Variants in STX3 observed in about 807,000 individuals in gnomAD.
The protein encoded by STX3 is syntaxin 3.
A neutral mutation model predicts 40.2 loss-of-function variants in STX3; 19 were observed. The ratio of observed to expected loss-of-function variants is 0.47; its 90% confidence interval spans 0.33 to 0.69. The LOEUF (loss-of-function observed/expected upper bound fraction) is 0.69, where lower values mean the gene tolerates loss of function less well. STX3 is among the 30% of genes least tolerant of loss of function. STX3 has a pLI of 0.02. For synonymous variants in STX3, 122 were observed against 132.2 expected (o/e 0.92, Z 0.53); for missense variants, 364 against 366.7 (o/e 0.99, Z 0.06).
intron 1 of STX3, among the ~76,000 whole-genome samples, chr11:59,761,762 A>G (rs1863050725): frequency 6.6e-6 from 1 of 151,950 alleles, no homozygotes; most frequent in Admixed American, 6.6e-5. Context: ...AGTGGAGCAA[A>G]TACTGTCTGG....
chr11:59,771,552 A>G (rs1277336627), intron 1 of STX3, among the ~76,000 whole-genome samples: 1 of 152,130 alleles, frequency 6.6e-6, no homozygotes, highest in Non-Finnish European at 1.5e-5. Context: ...TGCGGGAGCC[A>G]TGCCCAGGTC....
intron 1 of STX3, among the ~76,000 whole-genome samples, chr11:59,761,356 C>G (rs911439899): frequency 6.6e-6 from 1 of 152,184 alleles, no homozygotes; most frequent in Non-Finnish European, 1.5e-5. Flanking sequence ...TTCCTCGGAC[C>G]CCGCAAACTT....
intron 1 of STX3, among the ~76,000 whole-genome samples, chr11:59,770,403 G>T (rs1863542564): frequency 6.6e-6 from 1 of 151,830 alleles, no homozygotes; most frequent in South Asian, 2.1e-4. Flanking sequence ...TGAGGAGTGT[G>T]TGTGTGTGGG....
intron 1 of STX3, among the ~76,000 whole-genome samples, chr11:59,756,258 T>G (rs1055445037): frequency 6.6e-6 from 1 of 152,202 alleles, no homozygotes; most frequent in Non-Finnish European, 1.5e-5. Context: ...GCAAAAGCTG[T>G]AAAGCCTTAG....
At chr11:59,769,834 G>A (rs1200300900) in intron 1 of STX3, among the ~76,000 whole-genome samples, 1 of 149,994 alleles carries the variant, frequency 6.7e-6, no homozygotes, top group African/African-American at 2.5e-5. Context: ...GTACACGTGT[G>A]TGTGTGTGTG....
At chr11:59,781,730 G>A (rs1011511053) in intron 2 of STX3, 27 of 1,584,060 alleles carry the variant, frequency 1.7e-5, no homozygotes, top group South Asian at 5.7e-5. Context: ...TGGTGGGTGC[G>A]GGCGGGCTGG....
At chr11:59,800,271 G>C in intron 10 of STX3, 3 of 985,376 alleles carry the variant, frequency 3.0e-6, no homozygotes, top group Non-Finnish European at 3.6e-6. Flanking sequence ...CAGGAGGGTA[G>C]ACAGTGTGTT....
rs1313928439 is a variant in STX3, at chr11:59,781,371, A to G, written c.115-5666A>G. The G allele has an allele frequency of 3.1e-6, 5 of 1,597,402 alleles. No homozygotes were observed. The Admixed American group carries it at 8.3e-5, about 27-fold the overall frequency. On this transcript the variant is annotated intron_variant, in intron 2 of 10. Transcript: ENST00000337979. ...GACATTGTTCATGACACACTCCACC[A>G]CTAATTTCCCATCTTTCAATTTTCT...
intron 4 of STX3, chr11:59,789,340 C>T (rs746452100): frequency 9.8e-5 from 16 of 162,904 alleles, no homozygotes; most frequent in Non-Finnish European, 1.9e-4. Context: ...CCTCTACCTC[C>T]TGGGTTCAGG....
At chr11:59,771,400 A>ACCCCCCCC (rs1565168425) in intron 1 of STX3, among the ~76,000 whole-genome samples, 1 of 42,216 alleles carries the variant, frequency 2.4e-5, no homozygotes, top group Non-Finnish European at 4.6e-5. Flanking sequence ...CCGTCCCCCC[A>ACCCCCCCC]CCTCCCCCCC....
chr11:59,800,918 G>C lies in STX3; in HGVS notation c.*94G>C. ...CTTCAGATGAGAATGGAGTCTGAAT[G>C]GCCTTCCTGAGAGCGAGTGCGACCC... is the stretch of plus-strand genomic sequence containing the variant. On this transcript the variant is annotated 3_prime_UTR_variant, in exon 11 of 11. Coordinates refer to ENST00000337979, the MANE Select transcript of STX3 (RefSeq NM_004177.5). 6.5e-7 allele frequency: 1 copy of C among 1,536,252 alleles called. No homozygotes were observed. The highest frequency in any genetic ancestry group is 8.7e-7 in the Non-Finnish European group (1 of 1,146,882).
intron 2 of STX3, among the ~76,000 whole-genome samples, chr11:59,774,624 A>G (rs1863852846): frequency 6.6e-6 from 1 of 152,118 alleles, no homozygotes; most frequent in African/African-American, 2.4e-5. Flanking sequence ...CAAGGTCAAG[A>G]GTTTGAGACC....
At chr11:59,773,061 C>T (rs150883215) in intron 1 of STX3, 150 bp from the exon 2 acceptor site, 305 of 686,830 alleles carry the variant, frequency 4.4e-4, no homozygotes, top group African/African-American at 1.7e-3. Context: ...GTTGAGACAC[C>T]GGAATTTGAT....
Position 59,800,568 on chromosome 11 carries a change from T to C in STX3, c.*31-287T>C, listed in dbSNP as rs150439158. 1.4e-3 allele frequency: 1,411 copies of C among 985,372 alleles called. 16 individuals carry two copies. In the African/African-American group the frequency reaches 0.023, roughly 16 times the overall value. The allele number at this position is 985,372 out of a possible 1,614,324, so 61.0% of individuals were successfully genotyped here. ...CTGTGGGACCTGCAGAGCAGGTGTT[T>C]TCACTAGGGATTGTCCCTTCCCACC... is the stretch of plus-strand genomic sequence containing the variant. On this transcript the variant is annotated intron_variant, in intron 10 of 10. Coordinates refer to ENST00000337979, the MANE Select transcript of STX3 (RefSeq NM_004177.5).
In STX3 at chr11:59,799,572, A is replaced by G. The variant is rs368142581; in HGVS notation, c.*31-1283A>G. ...AATTTTCTCTTTATTACCAACTCAT[A>G]TAAGTTGGAGTACTGAAATAACAGG... On this transcript the variant is annotated intron_variant, in intron 10 of 10. Transcript: ENST00000337979. The G allele has an allele frequency of 1.6e-5, 13 of 815,974 alleles. No homozygotes were observed. The East Asian group carries it at 3.7e-4, about 24-fold the overall frequency. The allele number at this position is 815,974 out of a possible 1,614,324, so 50.5% of individuals were successfully genotyped here. A position where few individuals can be genotyped will look rare whatever the true frequency, so the allele number is the denominator to read the frequency against.
chr11:59,779,026 C>T (rs977182006), intron 2 of STX3, among the ~76,000 whole-genome samples: 1 of 151,874 alleles, frequency 6.6e-6, no homozygotes, highest in African/African-American at 2.4e-5. Context: ...TTAGTAGAGA[C>T]GGGGTTTCAC....
At chr11:59,781,095 T>TC (rs1864341612) in intron 2 of STX3, among the ~76,000 whole-genome samples, 1 of 147,144 alleles carries the variant, frequency 6.8e-6, no homozygotes, top group Non-Finnish European at 1.5e-5. Context: ...CTTTTTTTTT[T>TC]TTTTTTATAT....
intron 4 of STX3, 137 bp from the exon 5 acceptor site, chr11:59,790,382 C>A: frequency 1.5e-6 from 1 of 678,700 alleles, no homozygotes; most frequent in Middle Eastern, 3.0e-4. Flanking sequence ...CATCTGGGAG[C>A]TGACCTTTTG....
intron 1 of STX3, among the ~76,000 whole-genome samples, chr11:59,769,848 G>GTA (rs1370223703): frequency 2.0e-5 from 3 of 150,880 alleles, no homozygotes; most frequent in Non-Finnish European, 4.4e-5. Context: ...GTGTGTGTGT[G>GTA]TGTATGTATG....
Sources: gnomAD v4.1 joint callset for allele counts (sites outside exome capture counted in the v4.1 genomes callset) on GRCh38, gnomAD v4.1.1 for gene constraint, MANE v1.5 for transcripts, NCBI Gene and HGNC (gene_info 2026-07-23, HGNC 2026-07-21) for gene names.